KAT14: variants seen among roughly 807,000 people sequenced by gnomAD.
KAT14 encodes cysteine-rich protein 2-binding protein.
KAT14 carries 66 observed loss-of-function variants against 78.4 expected under a neutral mutation model. The ratio of observed to expected loss-of-function variants is 0.84; its 90% CI spans 0.69 to 1.03. KAT14 has a LOEUF of 1.03. Among genes scored for constraint, KAT14 ranks in the 50% least tolerant of loss-of-function variants. The pLI, the probability that KAT14 is intolerant of heterozygous loss-of-function variation, is 0.00. For synonymous variants in KAT14, 344 were observed against 359.4 expected (o/e 0.96, Z 0.48); for missense variants, 870 against 972.5 (o/e 0.89, Z 1.40).
At chr20:18,146,615 C>T (rs2037836135) in intron 3 of KAT14, among the ~76,000 whole-genome samples, 1 of 151,994 alleles carries the variant, frequency 6.6e-6, no homozygotes, top group Non-Finnish European at 1.5e-5. Flanking sequence ...GCCGAGATCG[C>T]GCCACTGCAC....
At position 18,138,215 on chromosome 20, in the gene KAT14, C is replaced by T. The variant is rs569228398; in HGVS notation, c.-454+164C>T. 4.0e-5 allele frequency: 50 copies of T among 1,265,614 alleles called. No individual in the cohort carries two copies. In the African/African-American group the frequency reaches 7.0e-4, roughly 18 times the overall value. 78.4% of individuals were successfully genotyped at this position (1,265,614 alleles called of 1,614,324 possible). ...TTTGCGGCTGCGGCCGGCGGCCGCT[C>T]TGCTGGGCTCCGGGCGCTGCAGCTC... On this transcript the variant is annotated intron_variant, in intron 1 of 10. Transcript: ENST00000688188.
chr20:18,137,897 G>A lies in KAT14; in HGVS notation c.-608G>A. 3 of 1,437,994 alleles carry A rather than the reference G, an allele frequency of 2.1e-6. No homozygotes were observed. Among genetic ancestry groups the A allele is most frequent in the Non-Finnish European group, 1.8e-6 (2 of 1,099,728 alleles). The allele number at this position is 1,437,994 out of a possible 1,614,324, so 89.1% of individuals were successfully genotyped here. On this transcript the variant is annotated 5_prime_UTR_variant, in exon 1 of 11. Transcript: ENST00000688188. The stretch of plus-strand genomic sequence containing the variant: ...CAGTACAGGCGGCGGTGCGCACTCT[G>A]CGGCGGCCTCTGCGCCTCGGGCGGG...
At chr20:18,150,397 G>A (rs1291941583) in intron 3 of KAT14, among the ~76,000 whole-genome samples, 2 of 152,290 alleles carry the variant, frequency 1.3e-5, no homozygotes, top group Admixed American at 6.5e-5. Flanking sequence ...GGGTAGTGCC[G>A]TTGGTCAGAA....
At chr20:18,176,676 G>A (rs1281876397) in intron 7 of KAT14, among the ~76,000 whole-genome samples, 4 of 152,194 alleles carry the variant, frequency 2.6e-5, no homozygotes, top group African/African-American at 9.6e-5. Context: ...GGAACCTGGT[G>A]ATGGCAGAGG....
intron 7 of KAT14, among the ~76,000 whole-genome samples, chr20:18,172,309 C>T (rs1413318256): frequency 6.6e-6 from 1 of 151,550 alleles, no homozygotes; most frequent in African/African-American, 2.4e-5. Flanking sequence ...ACCATATTGG[C>T]CAGGCTGGTC....
chr20:18,162,001 T>C lies in KAT14; in HGVS notation c.861T>C (p.Ser287=). The C allele has an allele frequency of 6.2e-7, 1 of 1,614,280 alleles. No homozygotes were observed. ...AAGFLDRSTS[S]TPVKFISRGR... ...GCTTTCTTGACAGGAGCACATCTTC[T>C]ACCCCTGTAAAATTCATAAGCCGAG... is the stretch of plus-strand genomic sequence containing the variant. The change falls in exon 6 of 11, where the codon TCT becomes TCC. Residue 287 remains serine (S), a synonymous_variant. Coordinates refer to ENST00000688188, the MANE Select transcript of KAT14 (RefSeq NM_001392073.1).
intron 3 of KAT14, among the ~76,000 whole-genome samples, chr20:18,145,760 G>A (rs1019634219): frequency 6.6e-5 from 10 of 151,088 alleles, no homozygotes; most frequent in African/African-American, 2.2e-4. Flanking sequence ...CAGCTTGGGC[G>A]ACAAAGTGTG....
chr20:18,170,183 A>G (rs1207502911), intron 7 of KAT14, among the ~76,000 whole-genome samples: 1 of 152,220 alleles, frequency 6.6e-6, no homozygotes, highest in African/African-American at 2.4e-5. Flanking sequence ...AGCTAAGATC[A>G]TTGATGGAAG....
intron 10 of KAT14, among the ~76,000 whole-genome samples, chr20:18,186,065 C>T (rs959234518): frequency 3.3e-5 from 5 of 152,112 alleles, no homozygotes; most frequent in African/African-American, 1.2e-4. Context: ...GATTTGCTGC[C>T]GTATCTGTCA....
intron 3 of KAT14, among the ~76,000 whole-genome samples, chr20:18,149,426 A>G (rs2037957025): frequency 6.6e-6 from 1 of 152,374 alleles, no homozygotes; most frequent in Non-Finnish European, 1.5e-5. Flanking sequence ...AGATGCAGAT[A>G]TAACTGGAAG....
At chr20:18,166,733 C>T (rs1366764119) in intron 7 of KAT14, among the ~76,000 whole-genome samples, 1 of 152,170 alleles carries the variant, frequency 6.6e-6, no homozygotes, top group Non-Finnish European at 1.5e-5. Context: ...TCCTGTGGCC[C>T]ATCTTTACCT....
chr20:18,148,603 A>ATTT (rs978610988), intron 3 of KAT14, among the ~76,000 whole-genome samples: 3 of 142,870 alleles, frequency 2.1e-5, no homozygotes, highest in African/African-American at 2.6e-5. Context: ...ACTGGGGTTC[A>ATTT]TTTTTTTTTG....
chr20:18,138,374 T>C, intron 1 of KAT14: 5 of 1,062,232 alleles, frequency 4.7e-6, no homozygotes, highest in Non-Finnish European at 5.7e-6. Flanking sequence ...AGTGGCTCTG[T>C]TTTCAAGTCA....
intron 1 of KAT14, among the ~76,000 whole-genome samples, chr20:18,141,271 G>C (rs1288724482): frequency 1.3e-5 from 2 of 151,948 alleles, no homozygotes; most frequent in Non-Finnish European, 2.9e-5. Flanking sequence ...CTCTTCTTGG[G>C]TGCCAGGTCC....
chr20:18,138,845 A>C, intron 1 of KAT14, among the ~76,000 whole-genome samples: 1 of 152,130 alleles, frequency 6.6e-6, no homozygotes, highest in East Asian at 1.9e-4. Flanking sequence ...CTCACTAAGC[A>C]CCTTGGGAAT....
intron 9 of KAT14, 108 bp from the exon 10 acceptor site, chr20:18,184,494 T>G (rs1019402008): frequency 2.4e-4 from 238 of 988,632 alleles, no homozygotes; most frequent in African/African-American, 3.9e-4. Context: ...TGTTTTTTTT[T>G]TTTTTTTTTA....
rs528487147 is a variant in KAT14 at position 18,138,157 on chromosome 20, C to A, written c.-454+106C>A. The A allele has an allele frequency of 5.2e-5, 70 of 1,336,710 alleles. No homozygotes were observed. In the South Asian group the frequency reaches 8.1e-4, roughly 16 times the overall value. 82.8% of individuals were successfully genotyped at this position (1,336,710 alleles called of 1,614,324 possible). A position where few individuals can be genotyped will look rare whatever the true frequency, so the allele number is the denominator to read the frequency against. The stretch of plus-strand genomic sequence containing the variant: ...TTCCTCAGCTCCTCTTCGTGTCTTT[C>A]CCCCGCGGTGGCGCGGCCCTGCACC... On this transcript the variant is annotated intron_variant, in intron 1 of 10. Coordinates refer to ENST00000688188, the MANE Select transcript of KAT14 (RefSeq NM_001392073.1).
intron 3 of KAT14, among the ~76,000 whole-genome samples, chr20:18,147,760 ATT>A (rs2037878843): frequency 6.6e-6 from 1 of 151,812 alleles, no homozygotes; most frequent in Admixed American, 6.6e-5. Flanking sequence ...AATTTTTTGT[ATT>A]TTTAGTAGAG....
At chr20:18,144,953 C>G (rs915153563) in intron 2 of KAT14, 6 of 562,006 alleles carry the variant, frequency 1.1e-5, no homozygotes, top group Non-Finnish European at 1.5e-5. Flanking sequence ...CTCTGGGAGT[C>G]AGGAATGTGA....
Sources: gnomAD v4.1 joint callset for allele counts (sites outside exome capture counted in the v4.1 genomes callset) on GRCh38, gnomAD v4.1.1 for gene constraint, MANE v1.5 for transcripts, NCBI Gene and HGNC (gene_info 2026-07-23, HGNC 2026-07-21) for gene names.